AKAP19: variants seen among roughly 807,000 people sequenced by gnomAD.
AKAP19 encodes the protein small A-kinase anchoring protein.
At chr2:190,038,911 TTCTTCTTCTTCTTCTTC>T in the AKAP19 span, among the ~76,000 whole-genome samples, 8 of 112,186 alleles carry the variant, frequency 7.1e-5, no homozygotes, top group African/African-American at 3.2e-4. Flanking sequence ...TTTCTTCTTC[TTCTTCTTCTTCTTCTTC>T]TTCTTCTTCT....
At chr2:190,191,453 A>T in the AKAP19 span, among the ~76,000 whole-genome samples, 2 of 152,080 alleles carry the variant, frequency 1.3e-5, no homozygotes, top group African/African-American at 4.8e-5. Context: ...CCAGCATACA[A>T]TTTTTTTATG....
the AKAP19 span, among the ~76,000 whole-genome samples, chr2:190,016,001 A>G: frequency 2.6e-5 from 4 of 152,166 alleles, no homozygotes; most frequent in Non-Finnish European, 5.9e-5. Context: ...TGTCTACATC[A>G]TCATCAGCAT....
chr2:190,037,431 G>A, the AKAP19 span, among the ~76,000 whole-genome samples: 1 of 152,340 alleles, frequency 6.6e-6, no homozygotes, highest in East Asian at 1.9e-4. Flanking sequence ...GAGCTTAGAA[G>A]GAGATGTCCT....
At chr2:189,981,327 A>G in the AKAP19 span, among the ~76,000 whole-genome samples, 2 of 146,136 alleles carry the variant, frequency 1.4e-5, no homozygotes, top group African/African-American at 2.6e-5. Flanking sequence ...TATTTGGTAT[A>G]AGACTAGCCA....
the AKAP19 span, among the ~76,000 whole-genome samples, chr2:189,884,875 C>G: frequency 6.6e-6 from 1 of 152,176 alleles, no homozygotes; most frequent in Non-Finnish European, 1.5e-5. Context: ...AGGGATAACA[C>G]TTGGATTAGC....
chr2:190,092,080 CATTA>C, the AKAP19 span, among the ~76,000 whole-genome samples: 34 of 152,180 alleles, frequency 2.2e-4, no homozygotes, highest in African/African-American at 8.2e-4. Flanking sequence ...CAATTTATTT[CATTA>C]ATATTCTACA....
At chr2:190,059,918 T>C in the AKAP19 span, 7 of 716,044 alleles carry the variant, frequency 9.8e-6, no homozygotes, top group Non-Finnish European at 1.6e-5. Context: ...CCTACTTTTA[T>C]TGGGTACAGG....
the AKAP19 span, among the ~76,000 whole-genome samples, chr2:189,914,554 C>T: frequency 5.3e-4 from 80 of 151,962 alleles, no homozygotes; most frequent in Non-Finnish European, 9.6e-4. Flanking sequence ...GTGTATAATA[C>T]TTTCTTAGAA....
the AKAP19 span, among the ~76,000 whole-genome samples, chr2:190,012,530 T>G: frequency 6.6e-6 from 1 of 152,166 alleles, no homozygotes; most frequent in East Asian, 1.9e-4. Flanking sequence ...GCTATTAGGG[T>G]TTTCTGAATA....
chr2:189,938,240 G>C, the AKAP19 span, among the ~76,000 whole-genome samples: 3 of 151,806 alleles, frequency 2.0e-5, no homozygotes, highest in Non-Finnish European at 4.4e-5. Context: ...GGAGGCTGAG[G>C]CAGGAGAATA....
At chr2:190,192,452 C>CTGTGTGTGTGTGTGTGTGTGTGTGTGTG in the AKAP19 span, among the ~76,000 whole-genome samples, 28 of 145,354 alleles carry the variant, frequency 1.9e-4, no homozygotes, top group African/African-American at 7.2e-4. Context: ...AATTCAGAAT[C>CTGTGTGTGTGTGTGTGTGTGTGTGTGTG]TGTGTGTGTG....
At chr2:190,013,769 C>T in the AKAP19 span, among the ~76,000 whole-genome samples, 3 of 152,150 alleles carry the variant, frequency 2.0e-5, no homozygotes, top group Non-Finnish European at 2.9e-5. Flanking sequence ...CCACCCACCT[C>T]GGCCTCCCAA....
At chr2:189,888,916 A>G in the AKAP19 span, among the ~76,000 whole-genome samples, 1 of 152,244 alleles carries the variant, frequency 6.6e-6, no homozygotes, top group Non-Finnish European at 1.5e-5. Context: ...CTGTCTTCCC[A>G]TTTGAATACC....
the AKAP19 span, among the ~76,000 whole-genome samples, chr2:190,146,807 A>G: frequency 6.6e-6 from 1 of 152,118 alleles, no homozygotes; most frequent in Non-Finnish European, 1.5e-5. Context: ...TCTTTTGAGA[A>G]TTGTCTTTTC....
At chr2:190,040,913 G>A in the AKAP19 span, among the ~76,000 whole-genome samples, 1 of 152,090 alleles carries the variant, frequency 6.6e-6, no homozygotes, top group East Asian at 1.9e-4. Flanking sequence ...ATGCTGTTTT[G>A]GTTACTGTAG....
At chr2:190,156,469 A>G in the AKAP19 span, among the ~76,000 whole-genome samples, 1 of 152,184 alleles carries the variant, frequency 6.6e-6, no homozygotes, top group Non-Finnish European at 1.5e-5. Flanking sequence ...AATGAATGCT[A>G]TGCTTTATTG....
the AKAP19 span, among the ~76,000 whole-genome samples, chr2:190,167,893 G>C: frequency 6.6e-6 from 1 of 152,186 alleles, no homozygotes; most frequent in East Asian, 1.9e-4. Context: ...CAGGTGCACG[G>C]TGCTAGCTGT....
the AKAP19 span, among the ~76,000 whole-genome samples, chr2:189,972,767 G>A: frequency 5.9e-5 from 9 of 152,156 alleles, no homozygotes; most frequent in African/African-American, 2.2e-4. Flanking sequence ...GTTCACTCGT[G>A]ATTTGGCTCT....
chr2:190,062,355 A>G, the AKAP19 span: 1 of 1,613,412 alleles, frequency 6.2e-7, no homozygotes, highest in Non-Finnish European at 8.5e-7. Flanking sequence ...AGCTTTGGGT[A>G]AAAGTTGTCT....
Sources: gnomAD v4.1 joint callset for allele counts (sites outside exome capture counted in the v4.1 genomes callset) on GRCh38, gnomAD v4.1.1 for gene constraint, MANE v1.5 for transcripts, NCBI Gene and HGNC (gene_info 2026-07-23, HGNC 2026-07-21) for gene names.